TDRD7: variants seen among roughly 807,000 people sequenced by gnomAD.
TDRD7 encodes the protein tudor domain containing 7.
TDRD7 carries 47 observed loss-of-function variants against 109.8 expected under a neutral mutation model. That is an observed-to-expected ratio of 0.43 (90% confidence interval 0.34 to 0.55). The LOEUF (loss-of-function observed/expected upper bound fraction) is 0.55, where lower values mean the gene tolerates loss of function less well. Among genes scored for constraint, TDRD7 ranks in the 20% least tolerant of loss-of-function variants. TDRD7 has a pLI of 0.03. For missense variants in TDRD7, 1,164 were observed against 1,319.2 expected (o/e 0.88, Z 1.82); for synonymous variants, 424 against 457.3 (o/e 0.93, Z 0.93).
intron 1 of TDRD7, among the ~76,000 whole-genome samples, chr9:97,418,539 T>TA (rs113865063): frequency 5.7e-4 from 85 of 148,154 alleles, no homozygotes; most frequent in African/African-American, 1.6e-3. Flanking sequence ...TGCCGCTCCT[T>TA]AAAAAAAAAA....
chr9:97,440,903 T>C (rs892443323), intron 5 of TDRD7, among the ~76,000 whole-genome samples: 1 of 152,206 alleles, frequency 6.6e-6, no homozygotes, highest in African/African-American at 2.4e-5. Flanking sequence ...TCAGATTTCT[T>C]TATTTTCTGG....
In TDRD7 at chr9:97,448,610, G is replaced by T. The variant is rs138878070; in HGVS notation, c.855+6735G>T. 3.3e-5 allele frequency among the ~76,000 whole-genome samples: 5 copies of T among 152,130 alleles called. No homozygotes were observed. In the East Asian group the frequency reaches 9.6e-4, roughly 29 times the overall value. On this transcript the variant is annotated intron_variant, in intron 6 of 16. Coordinates refer to ENST00000355295, the MANE Select transcript of TDRD7 (RefSeq NM_014290.3). ...ACTACTGAAGTCAAGTTTTAAAATG[G>T]GATTATTTTTTGCTTTTTCTTTGTT...
At chr9:97,426,051 A>C (rs879571777) in intron 1 of TDRD7, among the ~76,000 whole-genome samples, 4 of 152,214 alleles carry the variant, frequency 2.6e-5, no homozygotes, top group African/African-American at 4.8e-5. Flanking sequence ...CAGTAAAAAT[A>C]TGGTATATAA....
chr9:97,468,445 G>A (rs1038213486), intron 8 of TDRD7, among the ~76,000 whole-genome samples: 2 of 152,198 alleles, frequency 1.3e-5, no homozygotes, highest in South Asian at 4.1e-4. Flanking sequence ...AAGGTAGCTC[G>A]GTATTTTGTG....
At chr9:97,429,302 C>G (rs1828060766) in intron 2 of TDRD7, among the ~76,000 whole-genome samples, 1 of 152,136 alleles carries the variant, frequency 6.6e-6, no homozygotes, top group Non-Finnish European at 1.5e-5. Context: ...ATTGCTCTTC[C>G]ACTGCGACCT....
At position 97,428,443 on chromosome 9, in the gene TDRD7, C is replaced by T; in HGVS notation, c.-6-17C>T. ...GAATGAGCCATATTATAGTAACCTTCTACTGTGTTCTTATAGGCAAAGATG... is the reference window on the plus strand; with the variant it reads ...GAATGAGCCATATTATAGTAACCTTTTACTGTGTTCTTATAGGCAAAGATG... On this transcript the variant is annotated splice_polypyrimidine_tract_variant and intron_variant, in intron 1 of 16. Transcript: ENST00000355295. The T allele has an allele frequency of 6.2e-7, 1 of 1,610,874 alleles. No individual in the cohort carries two copies. The highest frequency in any genetic ancestry group is 8.5e-7 in the Non-Finnish European group (1 of 1,177,460).
At chr9:97,428,753 A>T (rs912743577) in intron 2 of TDRD7, 81 bp downstream of exon 2, 2 of 1,326,942 alleles carry the variant, frequency 1.5e-6, no homozygotes, top group African/African-American at 2.9e-5. Flanking sequence ...CCTACCTGTG[A>T]TAGACGTCTA....
intron 16 of TDRD7, among the ~76,000 whole-genome samples, chr9:97,492,702 T>C (rs1829327828): frequency 3.9e-5 from 6 of 152,156 alleles, no homozygotes; most frequent in Admixed American, 3.3e-4. Flanking sequence ...ATGTCCTGAG[T>C]TCCTTTTCTA....
chr9:97,471,455 T>G (rs1034508475), intron 9 of TDRD7, among the ~76,000 whole-genome samples: 1 of 152,116 alleles, frequency 6.6e-6, no homozygotes, highest in South Asian at 2.1e-4. Flanking sequence ...CTTTTAGAAG[T>G]TGGTGTTGGA....
rs112971874 is a variant in TDRD7 at position 97,481,503 on chromosome 9, GT to G, written c.2412+570del. ...CCAAGAATACAAATTTAAGAAGATA[GT>G]TTTTCTCTGTTAACTGATGGAAATT... is the stretch of plus-strand genomic sequence containing the variant. On this transcript the variant is annotated intron_variant, in intron 14 of 16. Coordinates refer to ENST00000355295, the MANE Select transcript of TDRD7 (RefSeq NM_014290.3). 8.2e-3 allele frequency among the ~76,000 whole-genome samples: 1,245 copies of G among 152,238 alleles called. 44 individuals are homozygous for G. In the East Asian group the frequency reaches 0.11, roughly 13 times the overall value.
intron 8 of TDRD7, 148 bp downstream of exon 8, chr9:97,465,176 T>A: frequency 9.5e-7 from 1 of 1,051,592 alleles, no homozygotes; most frequent in Non-Finnish European, 1.4e-6. Flanking sequence ...ATAATATCTG[T>A]AAAAGGTTAT....
rs572247782 is a variant in TDRD7, at chr9:97,435,910, C to G, written c.564-3335C>G. Among the ~76,000 whole-genome samples the G allele has an allele frequency of 2.7e-3, 409 of 152,192 alleles. 1 individual carries two copies. The highest frequency in any genetic ancestry group is 9.3e-3 in the African/African-American group (388 of 41,534). On this transcript the variant is annotated intron_variant, in intron 4 of 16. Coordinates refer to ENST00000355295, the MANE Select transcript of TDRD7 (RefSeq NM_014290.3). ...AGGACACTTAAACTTTTTGAGGTCACCAAACCTCTTGAAAAGCTGATGAAA... is the reference window on the plus strand; with the variant it reads ...AGGACACTTAAACTTTTTGAGGTCAGCAAACCTCTTGAAAAGCTGATGAAA...
intron 16 of TDRD7, among the ~76,000 whole-genome samples, chr9:97,493,692 A>T (rs534820803): frequency 3.5e-4 from 53 of 152,222 alleles, no homozygotes; most frequent in African/African-American, 1.3e-3. Context: ...ACTGGGGCTT[A>T]TTTCATCCCT....
chr9:97,428,222 T>C (rs748365211), intron 1 of TDRD7, among the ~76,000 whole-genome samples: 7 of 152,162 alleles, frequency 4.6e-5, no homozygotes, highest in Non-Finnish European at 8.8e-5. Flanking sequence ...CCCGCCTGAA[T>C]CTGGGAACAT....
chr9:97,456,932 T>C (rs1828623552), intron 6 of TDRD7, among the ~76,000 whole-genome samples: 6 of 152,136 alleles, frequency 3.9e-5, no homozygotes, highest in Admixed American at 3.3e-4. Flanking sequence ...GACAAAGGTC[T>C]AATAATTATC....
At chr9:97,431,131 G>A (rs981545042) in intron 3 of TDRD7, 57 bp downstream of exon 3, 1 of 1,601,524 alleles carries the variant, frequency 6.2e-7, no homozygotes, top group Non-Finnish European at 8.6e-7. Flanking sequence ...CATTATCATA[G>A]GGAATTATGG....
At chr9:97,418,980 C>G (rs998908325) in intron 1 of TDRD7, among the ~76,000 whole-genome samples, 2 of 152,156 alleles carry the variant, frequency 1.3e-5, no homozygotes, top group Non-Finnish European at 2.9e-5. Flanking sequence ...GGCCTTCTTA[C>G]TGAAACTCTG....
At chr9:97,426,950 G>GT (rs1200671158) in intron 1 of TDRD7, among the ~76,000 whole-genome samples, 1 of 152,216 alleles carries the variant, frequency 6.6e-6, no homozygotes, top group Non-Finnish European at 1.5e-5. Context: ...CCGCTGTCCA[G>GT]TATGGTAGCC....
chr9:97,488,333 A>C (rs1020743107), intron 16 of TDRD7, among the ~76,000 whole-genome samples: 1 of 152,214 alleles, frequency 6.6e-6, no homozygotes, highest in Non-Finnish European at 1.5e-5. Context: ...GATGTCAGCA[A>C]TGAAAGAAAT....
Sources: gnomAD v4.1 joint callset for allele counts (sites outside exome capture counted in the v4.1 genomes callset) on GRCh38, gnomAD v4.1.1 for gene constraint, MANE v1.5 for transcripts, NCBI Gene and HGNC (gene_info 2026-07-23, HGNC 2026-07-21) for gene names.